The following FMNL2 variants were observed in gnomAD, a reference collection of about 807,000 sequenced individuals.
FMNL2 encodes formin-like protein 2.
FMNL2 carries 51 observed loss-of-function variants against 130.2 expected under a neutral mutation model. The ratio of observed to expected loss-of-function variants is 0.39; its 90% CI spans 0.31 to 0.49. The LOEUF is 0.49. Among genes scored for constraint, FMNL2 ranks in the 20% least tolerant of loss-of-function variants. The pLI is 0.85. For missense variants in FMNL2, 977 were observed against 1,316.2 expected, an observed-to-expected ratio of 0.74 and a Z score of 3.99; for synonymous variants, 465 against 467.1, an observed-to-expected ratio of 1.00 and a Z score of 0.06.
chr2:152,597,784 G>A (rs1697844765), intron 9 of FMNL2, among the ~76,000 whole-genome samples: 1 of 152,176 alleles, frequency 6.6e-6, no homozygotes, highest in Non-Finnish European at 1.5e-5. Flanking sequence ...TTTAAGAACT[G>A]GTACCCAAAT....
Position 152,626,648 on chromosome 2 carries a change from G to A in FMNL2, c.2086G>A (p.Ala696Thr), listed in dbSNP as rs990066976. The A allele has an allele frequency of 1.2e-6, 2 of 1,613,158 alleles. No individual in the cohort carries two copies. Among genetic ancestry groups the A allele is most frequent in the Non-Finnish European group, 1.7e-6 (2 of 1,179,584 alleles). Residue 696 changes from alanine (A) to threonine (T), a missense_variant, in exon 17 of 26, where the codon GCA (alanine) becomes ACA (threonine). Ala to Thr is a moderately conservative substitution (Grantham distance 58, BLOSUM62 0). Around this residue, in one of 4 missense-constraint regions of FMNL2, gnomAD observed 689 missense variants for 995.9 expected, o/e 0.69. Transcript: ENST00000288670. Reference sequence around the variant, plus strand: ...ATCAAACAAAGTGACATTACTAGAAGCAAACAGGGCCAAAAATCTTGCCAT... The same window carrying A: ...ATCAAACAAAGTGACATTACTAGAAACAAACAGGGCCAAAAATCTTGCCAT... ...KGSNKVTLLE[A>T]NRAKNLAITL...
intron 18 of FMNL2, 83 bp from the exon 19 acceptor site, chr2:152,629,573 C>T: frequency 1.6e-6 from 2 of 1,283,224 alleles, no homozygotes; most frequent in Non-Finnish European, 2.2e-6. Flanking sequence ...CTGTTTTCTT[C>T]TGTCTTAATA....
chr2:152,459,424 A>G (rs1274768596), intron 1 of FMNL2, among the ~76,000 whole-genome samples: 1 of 152,188 alleles, frequency 6.6e-6, no homozygotes, highest in Admixed American at 6.5e-5. Context: ...TGAAGAGTTG[A>G]GTCTAAGTGA....
intron 6 of FMNL2, among the ~76,000 whole-genome samples, chr2:152,568,186 T>C (rs1211586112): frequency 6.9e-6 from 1 of 145,908 alleles, no homozygotes; most frequent in Non-Finnish European, 1.5e-5. Flanking sequence ...TTCAGGACAT[T>C]ACTGGGTGAG....
intron 6 of FMNL2, among the ~76,000 whole-genome samples, chr2:152,561,265 G>T (rs1390156742): frequency 6.6e-6 from 1 of 152,152 alleles, no homozygotes; most frequent in Non-Finnish European, 1.5e-5. Context: ...AGCATAGAAG[G>T]TGGGAAAATT....
chr2:152,335,586 C>T lies in FMNL2; in HGVS notation c.-18C>T. 1.3e-6 allele frequency: 2 copies of T among 1,576,134 alleles called. No homozygotes were observed. The highest frequency in any genetic ancestry group is 8.6e-7 in the Non-Finnish European group (1 of 1,159,388). Reference sequence around the variant, plus strand: ...GCTAGGGGCCCGGAGCAGCCCCCGGCCCCGGCGCGCCGCCGACATGGGCAA... The same window carrying T: ...GCTAGGGGCCCGGAGCAGCCCCCGGTCCCGGCGCGCCGCCGACATGGGCAA... On this transcript the variant is annotated 5_prime_UTR_variant, in exon 1 of 26. Transcript: ENST00000288670.
intron 6 of FMNL2, among the ~76,000 whole-genome samples, chr2:152,570,551 G>GT (rs1696116148): frequency 6.6e-6 from 1 of 152,184 alleles, no homozygotes; most frequent in Non-Finnish European, 1.5e-5. Context: ...TGCCAGCCTG[G>GT]GAGAAGAAAG....
At chr2:152,469,974 G>T (rs1048145346) in intron 1 of FMNL2, among the ~76,000 whole-genome samples, 3 of 152,164 alleles carry the variant, frequency 2.0e-5, no homozygotes, top group African/African-American at 7.2e-5. Context: ...ATTTATTAAT[G>T]AGGGTAATTT....
chr2:152,344,103 G>T (rs950703157), intron 1 of FMNL2, among the ~76,000 whole-genome samples: 1 of 152,174 alleles, frequency 6.6e-6, no homozygotes, highest in African/African-American at 2.4e-5. Flanking sequence ...AGTGAGCTAT[G>T]ATCATGCCAC....
intron 1 of FMNL2, among the ~76,000 whole-genome samples, chr2:152,518,506 C>T (rs1276168349): frequency 6.6e-6 from 1 of 152,176 alleles, no homozygotes; most frequent in Non-Finnish European, 1.5e-5. Context: ...CACTTGAGTG[C>T]TCTCTTGGTT....
intron 1 of FMNL2, among the ~76,000 whole-genome samples, chr2:152,476,965 T>C (rs1025838158): frequency 2.6e-5 from 4 of 152,178 alleles, no homozygotes; most frequent in Admixed American, 1.3e-4. Context: ...ATCTGGGAAG[T>C]TAGAATGATC....
At chr2:152,443,137 C>T (rs145488350) in intron 1 of FMNL2, among the ~76,000 whole-genome samples, 21 of 152,170 alleles carry the variant, frequency 1.4e-4, no homozygotes, top group South Asian at 6.2e-4. Context: ...AGACGAGAAA[C>T]GAAGGAGGTG....
At chr2:152,382,794 A>G (rs1684552144) in intron 1 of FMNL2, among the ~76,000 whole-genome samples, 2 of 152,194 alleles carry the variant, frequency 1.3e-5, no homozygotes, top group Non-Finnish European at 2.9e-5. Context: ...ATACCTCAAT[A>G]AAGCTGGGGA....
chr2:152,628,608 A>T (rs1043767205), intron 18 of FMNL2, 75 bp downstream of exon 18: 1 of 1,319,318 alleles, frequency 7.6e-7, no homozygotes, highest in African/African-American at 1.4e-5. Context: ...TCTCTCCCAG[A>T]ATCGTACTCA....
intron 1 of FMNL2, among the ~76,000 whole-genome samples, chr2:152,362,901 G>A (rs1683260775): frequency 6.6e-6 from 1 of 152,140 alleles, no homozygotes; most frequent in Admixed American, 6.6e-5. Flanking sequence ...GGTGAATCTA[G>A]CAAACTACGC....
At chr2:152,577,722 T>C (rs1696552954) in intron 7 of FMNL2, among the ~76,000 whole-genome samples, 1 of 152,182 alleles carries the variant, frequency 6.6e-6, no homozygotes, top group Admixed American at 6.5e-5. Flanking sequence ...GGAGTGAGGA[T>C]TGGCCATTGG....
rs573054849 is a variant in FMNL2, at chr2:152,427,920, G to A, written c.117+92200G>A. Among the ~76,000 whole-genome samples the A allele has an allele frequency of 5.3e-5, 8 of 152,278 alleles. No homozygotes were observed. In the South Asian group the frequency reaches 1.2e-3, roughly 24 times the overall value. The stretch of plus-strand genomic sequence containing the variant: ...CACACGTGGTCACCCTATATGCAGA[G>A]TATACTCTACCTTTAAAACAATACA... On this transcript the variant is annotated intron_variant, in intron 1 of 25. Transcript: ENST00000288670.
rs1415328135 is a variant in FMNL2, at chr2:152,335,666, G to C, written c.63G>C (p.Leu21Phe). 6.3e-7 allele frequency: 1 copy of C among 1,594,136 alleles called. No homozygotes were observed. Reference protein sequence around the residue: ...QTDFRAHNVPLKLPMPEPGEL... With the variant: ...QTDFRAHNVPFKLPMPEPGEL... ...ATTTCAGGGCGCACAACGTGCCTTT[G>C]AAGCTGCCGATGCCAGAGCCAGGTG... The change falls in exon 1 of 26, where the codon TTG becomes TTC. Residue 21 changes from leucine to phenylalanine, a missense_variant. Physicochemically the swap from Leu to Phe is conservative, Grantham distance 22 (BLOSUM62 0). Coordinates refer to ENST00000288670, the MANE Select transcript of FMNL2 (RefSeq NM_052905.4).
chr2:152,538,959 A>C (rs139525257), intron 2 of FMNL2, among the ~76,000 whole-genome samples: 1 of 152,182 alleles, frequency 6.6e-6, no homozygotes, highest in African/African-American at 2.4e-5. Flanking sequence ...TTGAATTAAT[A>C]TATTTTTCCC....
Sources: allele counts gnomAD v4.1 joint callset (sites outside exome capture counted in the v4.1 genomes callset), GRCh38; gene constraint gnomAD v4.1.1; regional missense constraint gnomAD v4.1.1; transcripts MANE v1.5; gene names NCBI Gene and HGNC (gene_info 2026-07-23, HGNC 2026-07-21).